The following UNC80 variants were observed in gnomAD, a reference collection of about 807,000 sequenced individuals.
UNC80 encodes protein unc-80 homolog.
In UNC80, 164 loss-of-function variants were observed where a neutral mutation model predicts 384.6. The observed-to-expected ratio is 0.43, with a 90% CI of 0.38 to 0.49. The LOEUF (loss-of-function observed/expected upper bound fraction) is 0.49, where lower values mean the gene tolerates loss of function less well. Among genes scored for constraint, UNC80 ranks in the 20% least tolerant of loss-of-function variants. The probability of loss-of-function intolerance (pLI) is 0.00; values close to 1 mark genes in which losing one functional copy is unlikely to be tolerated. For missense variants in UNC80, 3,330 were observed against 4,143.0 expected, an observed-to-expected ratio of 0.80 and a Z score of 5.39; for synonymous variants, 1,486 against 1,527.8, an observed-to-expected ratio of 0.97 and a Z score of 0.64.
At chr2:209,958,150 A>G (rs1175265024) in intron 49 of UNC80, among the ~76,000 whole-genome samples, 1 of 149,308 alleles carries the variant, frequency 6.7e-6, no homozygotes, top group Non-Finnish European at 1.5e-5. Flanking sequence ...ATTTCATCCA[A>G]ACTTTGACAT....
chr2:209,891,614 G>T (rs2086336977), intron 26 of UNC80, among the ~76,000 whole-genome samples: 1 of 151,954 alleles, frequency 6.6e-6, no homozygotes, highest in Non-Finnish European at 1.5e-5. Context: ...TATGTAAATT[G>T]GCTTTAATAT....
At chr2:209,930,051 T>C (rs886884026) in intron 37 of UNC80, 80 bp downstream of exon 37, 48 of 817,224 alleles carry the variant, frequency 5.9e-5, no homozygotes, top group Non-Finnish European at 8.5e-5. Context: ...AACTTTATAG[T>C]GCAGTGCATG....
intron 7 of UNC80, chr2:209,809,351 T>C (rs1574536430): frequency 1.1e-6 from 1 of 880,380 alleles, no homozygotes; most frequent in African/African-American, 1.6e-5. Context: ...GGGAAGGCCT[T>C]CTCCAGACCC....
intron 5 of UNC80, among the ~76,000 whole-genome samples, chr2:209,789,294 T>C (rs1433604580): frequency 1.3e-5 from 2 of 152,200 alleles, no homozygotes; most frequent in Non-Finnish European, 2.9e-5. Context: ...TTGCCAACTT[T>C]TTAGCACCTT....
chr2:209,881,652 T>C (rs1010580105), intron 25 of UNC80, among the ~76,000 whole-genome samples: 59 of 149,604 alleles, frequency 3.9e-4, no homozygotes, highest in African/African-American at 1.8e-4. Context: ...CACACACACA[T>C]GCGTGCATGC....
intron 37 of UNC80, 95 bp from the exon 38 acceptor site, chr2:209,930,873 A>C: frequency 5.1e-6 from 4 of 784,340 alleles, no homozygotes; most frequent in Non-Finnish European, 8.1e-6. Context: ...AAGTAAAAAA[A>C]ATCCCTCACC....
chr2:209,918,018 A>C (rs1159489552), intron 32 of UNC80, 60 bp downstream of exon 32: 1 of 1,484,478 alleles, frequency 6.7e-7, no homozygotes, highest in African/African-American at 1.4e-5. Flanking sequence ...GTTTGTTTAA[A>C]CCGTTGAACC....
At chr2:209,806,306 C>A (rs1209890558) in intron 7 of UNC80, among the ~76,000 whole-genome samples, 1 of 152,022 alleles carries the variant, frequency 6.6e-6, no homozygotes, top group Non-Finnish European at 1.5e-5. Context: ...TTCTGATTTG[C>A]CAGTAAAAAC....
intron 38 of UNC80, among the ~76,000 whole-genome samples, chr2:209,933,280 T>C (rs919107467): frequency 2.6e-5 from 4 of 152,008 alleles, no homozygotes; most frequent in African/African-American, 7.2e-5. Context: ...TTAGAAGATA[T>C]GCAAACAACC....
intron 7 of UNC80, among the ~76,000 whole-genome samples, chr2:209,803,821 C>T (rs975754479): frequency 6.6e-6 from 1 of 152,126 alleles, no homozygotes; most frequent in Admixed American, 6.5e-5. Flanking sequence ...TAACCTCAGA[C>T]TCCTAGGCTT....
intron 15 of UNC80, 112 bp downstream of exon 15, chr2:209,829,491 T>C (rs1337483067): frequency 7.1e-6 from 8 of 1,129,886 alleles, no homozygotes; most frequent in Admixed American, 6.2e-5. Context: ...AAGATACGTA[T>C]GTGTCCATGC....
chr2:209,894,128 G>T (rs73003386), intron 26 of UNC80, 35 bp from the exon 27 acceptor site: 105,283 of 983,136 alleles, frequency 0.11, 6,287 homozygotes, highest in Non-Finnish European at 0.12. Flanking sequence ...GGAACACTAG[G>T]GGGGAAAAAG....
At chr2:209,911,643 G>GT (rs552169957) in intron 29 of UNC80, among the ~76,000 whole-genome samples, 8 of 152,072 alleles carry the variant, frequency 5.3e-5, no homozygotes, top group African/African-American at 1.9e-4. Flanking sequence ...AAGAAGTTCA[G>GT]TTTTTTTTCC....
chr2:209,946,674 A>G (rs1025398095), intron 47 of UNC80, among the ~76,000 whole-genome samples: 1 of 152,218 alleles, frequency 6.6e-6, no homozygotes, highest in African/African-American at 2.4e-5. Context: ...TTTGCCAAGT[A>G]CAGAGAATTC....
chr2:209,955,771 A>T (rs1024727207), intron 48 of UNC80, among the ~76,000 whole-genome samples: 1 of 127,368 alleles, frequency 7.9e-6, no homozygotes, highest in Admixed American at 8.0e-5. Context: ...AGAGAGACTG[A>T]CTCACTCTGT....
Position 209,840,657 on chromosome 2 carries a change from G to A in UNC80, c.3357+9G>A. On this transcript the variant is annotated intron_variant, in intron 20 of 64. Coordinates refer to ENST00000673920, the MANE Select transcript of UNC80 (RefSeq NM_001371986.1). ...TCAGGCAAAGCTCCAAGGTAAACAG[G>A]ACATAACTTGTGTAAGTGACTGTTG... The A allele has an allele frequency of 6.5e-7, 1 of 1,549,516 alleles. No individual in the cohort carries two copies. The highest frequency in any genetic ancestry group is 2.4e-5 in the East Asian group (1 of 40,920).
Position 209,909,622 on chromosome 2 carries a change from AG to A in UNC80, c.4783-2933del, listed in dbSNP as rs556381145. On this transcript the variant is annotated intron_variant, in intron 29 of 64. Transcript: ENST00000673920. ...CTTAATTCCCTAGGACAGGAATTTGAGGGGGCCATCTCTTCCTCTTTTGGGC... is the reference window on the plus strand; with the variant it reads ...CTTAATTCCCTAGGACAGGAATTTGAGGGGCCATCTCTTCCTCTTTTGGGC... Among the ~76,000 whole-genome samples the A allele has an allele frequency of 1.1e-4, 17 of 152,298 alleles. 1 individual carries two copies. The East Asian group carries it at 3.3e-3, about 29-fold the overall frequency.
chr2:209,913,622 T>G (rs2124942760), intron 30 of UNC80, among the ~76,000 whole-genome samples, 180 bp from the exon 31 acceptor site: 1 of 152,260 alleles, frequency 6.6e-6, no homozygotes, highest in East Asian at 1.9e-4. Flanking sequence ...TATGCTTCAG[T>G]TATAAGGTAT....
chr2:209,864,830 A>G (rs2083599340), intron 22 of UNC80, among the ~76,000 whole-genome samples: 1 of 152,182 alleles, frequency 6.6e-6, no homozygotes, highest in Non-Finnish European at 1.5e-5. Context: ...CCCCTCCCAC[A>G]AGGAGTTCAA....
Sources: gnomAD v4.1 joint callset for allele counts (sites outside exome capture counted in the v4.1 genomes callset) on GRCh38, gnomAD v4.1.1 for gene constraint, MANE v1.5 for transcripts, NCBI Gene and HGNC (gene_info 2026-07-23, HGNC 2026-07-21) for gene names.